GMCL1: variants seen among roughly 807,000 people sequenced by gnomAD.
The protein encoded by GMCL1 is germ cell-less 1, spermatogenesis associated, also known as germ cell-less protein-like 1.
Under a neutral mutation model 75.5 loss-of-function variants are expected in GMCL1, and 54 were observed. The ratio of observed to expected loss-of-function variants is 0.71; its 90% confidence interval spans 0.57 to 0.90. The LOEUF (loss-of-function observed/expected upper bound fraction) is 0.90, where lower values mean the gene tolerates loss of function less well. Ranked by LOEUF, GMCL1 falls within the 40% of genes least tolerant of loss-of-function variation. The probability of loss-of-function intolerance (pLI) is 0.00; values close to 1 mark genes in which losing one functional copy is unlikely to be tolerated. For synonymous variants in GMCL1, 210 were observed against 209.6 expected (o/e 1.00, Z -0.02); for missense variants, 537 against 622.7 (o/e 0.86, Z 1.47).
At chr2:69,852,789 T>C (rs940803951) in intron 8 of GMCL1, among the ~76,000 whole-genome samples, 1 of 152,218 alleles carries the variant, frequency 6.6e-6, no homozygotes, top group African/African-American at 2.4e-5. Context: ...TCTGCCTGCC[T>C]CGGCCTCCCA....
At chr2:69,864,590 CTTT>C (rs534389389) in intron 10 of GMCL1, among the ~76,000 whole-genome samples, 68 of 88,346 alleles carry the variant, frequency 7.7e-4, no homozygotes, top group Middle Eastern at 0.012. Context: ...TAGACTTTTA[CTTT>C]TTTTTTTTTT....
chr2:69,851,277 A>C (rs778794497), intron 8 of GMCL1, among the ~76,000 whole-genome samples: 7 of 152,074 alleles, frequency 4.6e-5, no homozygotes, highest in Non-Finnish European at 8.8e-5. Context: ...TCCCTACAAA[A>C]AGTTTAAAGA....
chr2:69,870,755 G>A (rs1453578374), intron 12 of GMCL1, among the ~76,000 whole-genome samples: 1 of 152,080 alleles, frequency 6.6e-6, no homozygotes, highest in Non-Finnish European at 1.5e-5. Flanking sequence ...ATAAACACAT[G>A]AAAAGATGTT....
Position 69,871,820 on chromosome 2 carries a change from T to G in GMCL1, c.1440T>G (p.Leu480=), listed in dbSNP as rs773648324. The change falls in exon 13 of 14, where the codon CTT becomes CTG. Residue 480 remains leucine (L), a synonymous_variant. Coordinates refer to ENST00000282570, the MANE Select transcript of GMCL1 (RefSeq NM_178439.5). ...CAACTGGCTATCAAATACTTACACT[T>G]GAAAAGGATCAGGTATGTTCGATTA... ...SRTTGYQILT[L]EKDQEQVVMN... 1.5e-5 allele frequency: 23 copies of G among 1,578,110 alleles called. No individual in the cohort carries two copies. The South Asian group carries it at 2.4e-4, about 17-fold the overall frequency.
Position 69,839,516 on chromosome 2 carries a change from T to C in GMCL1, c.444T>C (p.Ile148=). 6.2e-7 allele frequency: 1 copy of C among 1,604,912 alleles called. No homozygotes were observed. Among genetic ancestry groups the C allele is most frequent in the South Asian group, 1.1e-5 (1 of 90,674 alleles). ...GSWKESSMNI[I]ELEIPDQNID... is the part of the protein sequence containing the mutation. Reference sequence around the variant, plus strand: ...GGAAAGAATCCAGCATGAATATTATTGAACTGGAGATTCCTGACCAGAACA... The same window carrying C: ...GGAAAGAATCCAGCATGAATATTATCGAACTGGAGATTCCTGACCAGAACA... Residue 148 remains isoleucine, a synonymous_variant, in exon 3 of 14, where the codon ATT becomes ATC. Coordinates refer to ENST00000282570, the MANE Select transcript of GMCL1 (RefSeq NM_178439.5).
intron 9 of GMCL1, among the ~76,000 whole-genome samples, chr2:69,858,018 A>G (rs1675528789): frequency 1.3e-5 from 2 of 152,228 alleles, no homozygotes; most frequent in Non-Finnish European, 2.9e-5. Context: ...AAACTAGGGA[A>G]ATAATCTAAA....
intron 11 of GMCL1, among the ~76,000 whole-genome samples, chr2:69,868,864 C>T (rs1269503126): frequency 6.6e-6 from 1 of 151,122 alleles, no homozygotes; most frequent in African/African-American, 2.4e-5. Flanking sequence ...GCCTGTAATC[C>T]CAGCGCTTTG....
intron 10 of GMCL1, among the ~76,000 whole-genome samples, chr2:69,862,493 C>T (rs1675681455): frequency 6.6e-6 from 1 of 152,090 alleles, no homozygotes; most frequent in African/African-American, 2.4e-5. Flanking sequence ...GGTGTGGTGG[C>T]TCACACCTGT....
chr2:69,860,721 A>G (rs758564370), intron 9 of GMCL1, among the ~76,000 whole-genome samples: 5 of 152,348 alleles, frequency 3.3e-5, no homozygotes, highest in South Asian at 2.1e-4. Context: ...ATGCAATGTA[A>G]TAAGTACAGT....
intron 13 of GMCL1, 87 bp from the exon 14 acceptor site, chr2:69,878,822 A>AG: frequency 1.1e-6 from 1 of 873,218 alleles, no homozygotes; most frequent in Non-Finnish European, 1.9e-6. Context: ...TCAGGACACT[A>AG]TCTCCTTTGG....
At chr2:69,839,681 A>G in intron 3 of GMCL1, 128 bp downstream of exon 3, 1 of 565,696 alleles carries the variant, frequency 1.8e-6, no homozygotes. Context: ...CAAGGTGATA[A>G]TTTGATGTTG....
intron 9 of GMCL1, among the ~76,000 whole-genome samples, chr2:69,858,267 G>A (rs1675538312): frequency 6.6e-6 from 1 of 152,096 alleles, no homozygotes; most frequent in Non-Finnish European, 1.5e-5. Flanking sequence ...CTTCTGCCTC[G>A]GTCTCCCAAA....
chr2:69,863,739 C>T (rs1267159639), intron 10 of GMCL1, among the ~76,000 whole-genome samples: 1 of 152,220 alleles, frequency 6.6e-6, no homozygotes, highest in African/African-American at 2.4e-5. Flanking sequence ...TTAGCATGAT[C>T]TGTGGGGACT....
chr2:69,869,621 C>T (rs1675926173), intron 11 of GMCL1, 98 bp from the exon 12 acceptor site: 23 of 1,218,222 alleles, frequency 1.9e-5, no homozygotes, highest in Non-Finnish European at 2.5e-5. Context: ...GAGGGAAATA[C>T]TTGGAATGAG....
At chr2:69,870,336 C>T (rs1196029285) in intron 12 of GMCL1, among the ~76,000 whole-genome samples, 1 of 151,864 alleles carries the variant, frequency 6.6e-6, no homozygotes, top group Non-Finnish European at 1.5e-5. Flanking sequence ...TTATACTTAC[C>T]TTACACCAAA....
At chr2:69,845,143 G>A (rs568704246) in intron 6 of GMCL1, among the ~76,000 whole-genome samples, 36 of 152,250 alleles carry the variant, frequency 2.4e-4, no homozygotes, top group Admixed American at 2.2e-3. Flanking sequence ...ACCTGTTAGC[G>A]CCACACAGGG....
At chr2:69,867,328 G>A (rs887836316) in intron 11 of GMCL1, among the ~76,000 whole-genome samples, 4 of 151,892 alleles carry the variant, frequency 2.6e-5, no homozygotes, top group Non-Finnish European at 5.9e-5. Flanking sequence ...CTTCCCCCAT[G>A]CTCTTGTGCT....
chr2:69,843,293 C>G, intron 5 of GMCL1, 32 bp downstream of exon 5: 2 of 1,193,942 alleles, frequency 1.7e-6, no homozygotes, highest in South Asian at 2.5e-5. Flanking sequence ...TCTTCCTATC[C>G]CACTTTTAGG....
chr2:69,844,924 C>A, intron 6 of GMCL1: 1 of 260,612 alleles, frequency 3.8e-6, no homozygotes, highest in Non-Finnish European at 8.7e-6. Flanking sequence ...GTTACAAATT[C>A]ACAGGCCATG....
Sources: allele counts gnomAD v4.1 joint callset (sites outside exome capture counted in the v4.1 genomes callset), GRCh38; gene constraint gnomAD v4.1.1; transcripts MANE v1.5; gene names NCBI Gene and HGNC (gene_info 2026-07-23, HGNC 2026-07-21).